The following PLXNA4 variants were observed in gnomAD, a reference collection of about 807,000 sequenced individuals.
PLXNA4 encodes plexin A4, also known as plexin-A4.
A neutral mutation model predicts 191.8 loss-of-function variants in PLXNA4; 44 were observed. The ratio of observed to expected loss-of-function variants is 0.23; its 90% CI spans 0.18 to 0.29. The LOEUF is 0.29. Ranked by LOEUF, PLXNA4 falls within the 10% of genes least tolerant of loss-of-function variation. The pLI is 1.00. For missense variants in PLXNA4, 1,800 were observed against 2,488.8 expected (o/e 0.72, Z 5.89); for synonymous variants, 1,082 against 1,009.5 (o/e 1.07, Z -1.36).
At chr7:132,259,021 C>T (rs761880983) in intron 4 of PLXNA4, among the ~76,000 whole-genome samples, 6 of 152,096 alleles carry the variant, frequency 3.9e-5, no homozygotes, top group Admixed American at 1.3e-4. Context: ...TTGTGTGCCA[C>T]GGTAATCTAA....
chr7:132,525,120 A>G (rs1487586299), intron 1 of PLXNA4, among the ~76,000 whole-genome samples: 2 of 152,150 alleles, frequency 1.3e-5, no homozygotes, highest in African/African-American at 4.8e-5. Context: ...TTCTATGTCT[A>G]TGAATTTAAC....
intron 3 of PLXNA4, chr7:132,384,437 G>A: frequency 1.0e-6 from 1 of 985,490 alleles, no homozygotes; most frequent in Non-Finnish European, 1.2e-6. Flanking sequence ...GCTCTATGGG[G>A]GAATTATGGA....
chr7:132,180,763 C>T, intron 18 of PLXNA4, 31 bp from the exon 19 acceptor site: 1 of 1,596,192 alleles, frequency 6.3e-7, no homozygotes, highest in Non-Finnish European at 8.6e-7. Flanking sequence ...CAGTTCCCAC[C>T]CCAGAGTGAG....
At chr7:132,181,804 G>A (rs749471446) in intron 17 of PLXNA4, among the ~76,000 whole-genome samples, 184 bp from the exon 18 acceptor site, 12 of 152,310 alleles carry the variant, frequency 7.9e-5, no homozygotes, top group Non-Finnish European at 1.3e-4. Flanking sequence ...ACCCAGCTCC[G>A]GTTTTGCCCA....
At chr7:132,236,149 G>A (rs1798693115) in intron 5 of PLXNA4, among the ~76,000 whole-genome samples, 1 of 152,170 alleles carries the variant, frequency 6.6e-6, no homozygotes, top group Non-Finnish European at 1.5e-5. Context: ...CATGTTTTGT[G>A]CAACCCACCT....
intron 4 of PLXNA4, among the ~76,000 whole-genome samples, chr7:132,279,886 C>T (rs1194510077): frequency 1.3e-5 from 2 of 152,148 alleles, no homozygotes; most frequent in Admixed American, 6.5e-5. Context: ...AAGCTGAAGT[C>T]AACATATTGC....
In PLXNA4 at chr7:132,148,664, G is replaced by A. The variant is rs749199463; in HGVS notation, c.4661-18C>T. The A allele has an allele frequency of 3.1e-6, 5 of 1,613,924 alleles. No individual in the cohort carries two copies. Among genetic ancestry groups the A allele is most frequent in the Admixed American group, 1.7e-5 (1 of 59,996 alleles). On this transcript the variant is annotated intron_variant, in intron 25 of 31. Transcript: ENST00000321063. Reference sequence around the variant, plus strand: ...TCGCCACTCTGCCAAAAGAGCGGTGGCGTTTCAGAGAGGCCCTATGACCCC... The same window carrying A: ...TCGCCACTCTGCCAAAAGAGCGGTGACGTTTCAGAGAGGCCCTATGACCCC...
intron 2 of PLXNA4, among the ~76,000 whole-genome samples, chr7:132,502,739 A>T (rs1444688971): frequency 6.6e-6 from 1 of 152,172 alleles, no homozygotes; most frequent in East Asian, 1.9e-4. Flanking sequence ...GTGTTCCTCC[A>T]TTCCCTCAAC....
At chr7:132,582,923 A>C (rs1802432471) in intron 2 of PLXNA4, among the ~76,000 whole-genome samples, 1 of 152,180 alleles carries the variant, frequency 6.6e-6, no homozygotes, top group Non-Finnish European at 1.5e-5. Flanking sequence ...AGGACTGGGC[A>C]CCAATAGATG....
intron 3 of PLXNA4, among the ~76,000 whole-genome samples, chr7:132,304,969 A>G (rs988869435): frequency 1.4e-4 from 21 of 152,162 alleles, no homozygotes; most frequent in African/African-American, 4.8e-4. Context: ...ATTCTAATCC[A>G]GGCTCATTTG....
intron 14 of PLXNA4, among the ~76,000 whole-genome samples, chr7:132,193,212 CAA>C (rs1339813339): frequency 1.3e-5 from 2 of 152,166 alleles, no homozygotes; most frequent in Non-Finnish European, 2.9e-5. Flanking sequence ...TGTTTATTAT[CAA>C]AGAGTGGGTT....
chr7:132,344,351 A>G (rs1287271052), intron 3 of PLXNA4, among the ~76,000 whole-genome samples: 4 of 152,136 alleles, frequency 2.6e-5, no homozygotes, highest in Admixed American at 6.5e-5. Context: ...GGACTACTGA[A>G]ATTTGGATTT....
chr7:132,486,951 G>A (rs1209173584), intron 3 of PLXNA4, among the ~76,000 whole-genome samples: 4 of 152,056 alleles, frequency 2.6e-5, no homozygotes, highest in South Asian at 4.2e-4. Flanking sequence ...CCTCCCTGTC[G>A]GGGAACAGAT....
intron 24 of PLXNA4, among the ~76,000 whole-genome samples, chr7:132,162,354 C>G (rs1795976379): frequency 6.6e-6 from 1 of 152,230 alleles, no homozygotes; most frequent in African/African-American, 2.4e-5. Context: ...GTGTTCCCAC[C>G]TAAATGGATA....
In PLXNA4 at chr7:132,365,251, G is replaced by A. The variant is rs61096528; in HGVS notation, c.1372-67029C>T. On this transcript the variant is annotated intron_variant, in intron 3 of 31. Transcript: ENST00000321063. ...TCCATAAAAAGCACTAGTGAATAAT[G>A]GTCCCTTGAGTACACTGCAGAAGGT... is the stretch of plus-strand genomic sequence containing the variant. Among the ~76,000 whole-genome samples the A allele has an allele frequency of 6.4e-3, 980 of 152,202 alleles. 7 individuals are homozygous for A. Among genetic ancestry groups the A allele is most frequent in the African/African-American group, 0.023 (946 of 41,518 alleles).
At chr7:132,588,509 C>G (rs1802542842) in intron 2 of PLXNA4, among the ~76,000 whole-genome samples, 1 of 151,914 alleles carries the variant, frequency 6.6e-6, no homozygotes. Flanking sequence ...ACTAAAGCAC[C>G]CATATTTTCC....
intron 2 of PLXNA4, among the ~76,000 whole-genome samples, chr7:132,644,272 G>T (rs1249608068): frequency 2.0e-5 from 3 of 152,214 alleles, no homozygotes; most frequent in Non-Finnish European, 4.4e-5. Flanking sequence ...CGGTTGCAAG[G>T]TGCTTAGGCT....
chr7:132,327,802 T>C (rs1393238561), intron 3 of PLXNA4, among the ~76,000 whole-genome samples: 2 of 152,202 alleles, frequency 1.3e-5, no homozygotes, highest in African/African-American at 4.8e-5. Flanking sequence ...GTGCCCTGTG[T>C]ATGAAGAAGG....
chr7:132,263,246 C>G (rs975161664), intron 4 of PLXNA4, among the ~76,000 whole-genome samples: 1 of 152,188 alleles, frequency 6.6e-6, no homozygotes, highest in Non-Finnish European at 1.5e-5. Flanking sequence ...GCTGGCCCAC[C>G]ACCAGTGGGG....
Sources: allele counts gnomAD v4.1 joint callset (sites outside exome capture counted in the v4.1 genomes callset), GRCh38; gene constraint gnomAD v4.1.1; transcripts MANE v1.5; gene names NCBI Gene and HGNC (gene_info 2026-07-23, HGNC 2026-07-21).